The following RGS7 variants were observed in gnomAD, a reference collection of about 807,000 sequenced individuals.
The protein encoded by RGS7 is regulator of G-protein signaling 7.
RGS7 carries 27 observed loss-of-function variants against 81.1 expected under a neutral mutation model. The ratio of observed to expected loss-of-function variants is 0.33; its 90% CI spans 0.25 to 0.46. RGS7 has a LOEUF of 0.46. Ranked by LOEUF, RGS7 falls within the 20% of genes least tolerant of loss-of-function variation. The pLI is 1.00. For missense variants in RGS7, 396 were observed against 607.4 expected, an observed-to-expected ratio of 0.65 and a Z score of 3.66; for synonymous variants, 208 against 207.7, an observed-to-expected ratio of 1.00 and a Z score of -0.01.
At chr1:241,171,036 G>C (rs962754574) in intron 2 of RGS7, among the ~76,000 whole-genome samples, 1 of 151,928 alleles carries the variant, frequency 6.6e-6, no homozygotes, top group Non-Finnish European at 1.5e-5. Flanking sequence ...TTAATCATCA[G>C]GAAAAAAATT....
chr1:241,078,964 G>A (rs994281590), intron 3 of RGS7, among the ~76,000 whole-genome samples: 1 of 152,150 alleles, frequency 6.6e-6, no homozygotes, highest in Non-Finnish European at 1.5e-5. Context: ...ACATTTGAAT[G>A]AGAATATCCA....
intron 3 of RGS7, among the ~76,000 whole-genome samples, chr1:241,050,694 C>T (rs1362713056): frequency 6.6e-6 from 1 of 152,062 alleles, no homozygotes; most frequent in Non-Finnish European, 1.5e-5. Flanking sequence ...CTTTCTCTTC[C>T]TCCTCCTCCA....
intron 6 of RGS7, among the ~76,000 whole-genome samples, chr1:240,876,053 T>C (rs1248599604): frequency 6.6e-6 from 1 of 152,206 alleles, no homozygotes; most frequent in East Asian, 1.9e-4. Flanking sequence ...ACACAGGGTT[T>C]AGATGATGCC....
Position 240,855,308 on chromosome 1 carries a change from C to CAAAA in RGS7, c.609+13275_609+13278dup, listed in dbSNP as rs758331434. Reference sequence around the variant, plus strand: ...TGGGCGACAGAGTGAGACCATGTCTCAAAAAAAAAAAAAAAAAAAGGAGAA... The same window carrying CAAAA: ...TGGGCGACAGAGTGAGACCATGTCTCAAAAAAAAAAAAAAAAAAAAAAAGGAGAA... On this transcript the variant is annotated intron_variant, in intron 9 of 18. Coordinates refer to ENST00000440928, the MANE Select transcript of RGS7 (RefSeq NM_001364886.1). 9.9e-3 allele frequency among the ~76,000 whole-genome samples: 148 copies of CAAAA among 14,914 alleles called. 8 individuals carry two copies. The highest frequency in any genetic ancestry group is 0.025 in the African/African-American group (137 of 5,462). The allele number at this position is 14,914 out of a possible 152,430, so 9.8% of individuals were successfully genotyped here. A position where few individuals can be genotyped will look rare whatever the true frequency, so the allele number is the denominator to read the frequency against.
At chr1:241,310,364 A>AGTGT (rs371574220) in intron 2 of RGS7, among the ~76,000 whole-genome samples, 1 of 150,738 alleles carries the variant, frequency 6.6e-6, no homozygotes, top group Non-Finnish European at 1.5e-5. Context: ...AAGGTGTGAG[A>AGTGT]GTGTGTGTGT....
At chr1:241,243,082 C>T (rs1423254905) in intron 2 of RGS7, among the ~76,000 whole-genome samples, 2 of 152,182 alleles carry the variant, frequency 1.3e-5, no homozygotes, top group African/African-American at 2.4e-5. Context: ...CCCAACCCAA[C>T]TTTGATTTCT....
chr1:241,133,937 GGAGAGAAAGAGA>G (rs1439361877), intron 2 of RGS7, among the ~76,000 whole-genome samples: 1 of 151,938 alleles, frequency 6.6e-6, no homozygotes, highest in Non-Finnish European at 1.5e-5. Context: ...AGAGGCAGAG[GGAGAGAAAGAGA>G]GAGAGAAAGG....
At chr1:240,936,549 C>G in intron 5 of RGS7, 51 bp downstream of exon 5, 1 of 1,384,652 alleles carries the variant, frequency 7.2e-7, no homozygotes, top group Non-Finnish European at 1.0e-6. Context: ...AACTAACAAA[C>G]GAAATGCGGG....
chr1:241,088,850 A>T (rs998287721), intron 3 of RGS7, among the ~76,000 whole-genome samples: 6 of 151,380 alleles, frequency 4.0e-5, no homozygotes, highest in Non-Finnish European at 7.4e-5. Context: ...TCTCTACTAA[A>T]AATACAAAAA....
In RGS7 at chr1:241,163,975, C is replaced by T. The variant is rs370604663; in HGVS notation, c.79-65213G>A. Among the ~76,000 whole-genome samples, 6 of 152,106 alleles carry T rather than the reference C, an allele frequency of 3.9e-5. No homozygotes were observed. The highest frequency in any genetic ancestry group is 7.3e-5 in the Non-Finnish European group (5 of 68,044). On this transcript the variant is annotated intron_variant, in intron 2 of 18. Coordinates refer to ENST00000440928, the MANE Select transcript of RGS7 (RefSeq NM_001364886.1). This position sits in a 1 kb window ranked among gnomAD's most constrained non-coding sequence, Gnocchi z 4.6. ...CCCCAAGAATGCCCCTTGCTTCTGA[C>T]GCGAATTACAAGTCCCAGTTTATTT... is the stretch of plus-strand genomic sequence containing the variant.
chr1:240,782,507 C>G (rs1053723283), intron 18 of RGS7, among the ~76,000 whole-genome samples: 3 of 152,156 alleles, frequency 2.0e-5, no homozygotes, highest in African/African-American at 4.8e-5. Context: ...ACTGCAGCTT[C>G]GACCTCCCAG....
intron 4 of RGS7, among the ~76,000 whole-genome samples, chr1:240,947,799 A>C (rs2148422842): frequency 6.6e-6 from 1 of 152,336 alleles, no homozygotes; most frequent in South Asian, 2.1e-4. Context: ...GATCGAAATA[A>C]AATTCCTTGT....
At chr1:241,107,107 G>T (rs1372173254) in intron 2 of RGS7, among the ~76,000 whole-genome samples, 1 of 152,158 alleles carries the variant, frequency 6.6e-6, no homozygotes, top group Non-Finnish European at 1.5e-5. Flanking sequence ...GGGCACATAA[G>T]TGGGTCTCAT....
intron 2 of RGS7, among the ~76,000 whole-genome samples, chr1:241,115,630 C>A (rs920372994): frequency 6.6e-6 from 1 of 152,142 alleles, no homozygotes; most frequent in South Asian, 2.1e-4. Context: ...TTCTTGCCAA[C>A]CCTGGTCCCT....
intron 6 of RGS7, among the ~76,000 whole-genome samples, chr1:240,896,018 T>C (rs112892557): frequency 0.026 from 3,890 of 151,934 alleles, 149 homozygotes; most frequent in African/African-American, 0.085. Context: ...TGGTTTTGAT[T>C]TGCATTTCTC....
intron 5 of RGS7, among the ~76,000 whole-genome samples, chr1:240,933,086 G>T (rs559863402): frequency 1.6e-4 from 24 of 150,074 alleles, no homozygotes; most frequent in East Asian, 1.4e-3. Flanking sequence ...GTTTCACCGT[G>T]TTAGCCAGGA....
rs990746829 is a variant in RGS7 at position 240,868,178 on chromosome 1, G to A, written c.609+409C>T. Among the ~76,000 whole-genome samples the A allele has an allele frequency of 1.3e-5, 2 of 149,888 alleles. No homozygotes were observed. The highest frequency in any genetic ancestry group is 2.1e-4 in the South Asian group (1 of 4,778). On this transcript the variant is annotated intron_variant, in intron 9 of 18. Transcript: ENST00000440928. The surrounding 1 kb of genome is among the most constrained non-coding windows in gnomAD (Gnocchi z 5.1). ...AGAAAGGACGGAGGGAGGGAAGGAC[G>A]AAGGAAGGAAGGAAGGAACGAAGGA...
rs543380220 is a variant in RGS7, at chr1:241,146,354, T to G, written c.79-47592A>C. Among the ~76,000 whole-genome samples, 7 of 152,334 alleles carry G rather than the reference T, an allele frequency of 4.6e-5. 1 individual carries two copies. The South Asian group carries it at 1.4e-3, about 32-fold the overall frequency. On this transcript the variant is annotated intron_variant, in intron 2 of 18. Coordinates refer to ENST00000440928, the MANE Select transcript of RGS7 (RefSeq NM_001364886.1). The stretch of plus-strand genomic sequence containing the variant: ...TGGGAGTATGTGCCCATATACACAA[T>G]GGCAAATCCTATGCCGTTTTATATA...
intron 3 of RGS7, among the ~76,000 whole-genome samples, chr1:241,003,851 T>C (rs2148639540): frequency 6.6e-6 from 1 of 152,154 alleles, no homozygotes; most frequent in South Asian, 2.1e-4. Flanking sequence ...TGGGTTCAAG[T>C]GATTCTCCTG....
Sources: gnomAD v4.1 joint callset for allele counts (sites outside exome capture counted in the v4.1 genomes callset) on GRCh38, gnomAD v4.1.1 for gene constraint, Gnocchi (gnomAD v3.1) non-coding constraint, MANE v1.5 for transcripts, NCBI Gene and HGNC (gene_info 2026-07-23, HGNC 2026-07-21) for gene names.